HMGB1: variants seen among roughly 807,000 people sequenced by gnomAD.
HMGB1 encodes the protein high mobility group box 1, also known as high mobility group protein B1.
For synonymous variants in HMGB1, 81 were observed against 84.0 expected (o/e 0.96, Z 0.19); for missense variants, 79 against 253.5 (o/e 0.31, Z 4.67).
Position 30,459,978 on chromosome 13 carries a change from C to T in HMGB1, c.*1379G>A, listed in dbSNP as rs1212953635. The T allele has an allele frequency of 3.3e-5, 5 of 152,656 alleles. No homozygotes were observed. The highest frequency in any genetic ancestry group is 7.4e-5 in the Non-Finnish European group (5 of 67,984). 9.5% of individuals were successfully genotyped at this position (152,656 alleles called of 1,614,324 possible). On this transcript the variant is annotated 3_prime_UTR_variant, in exon 5 of 5. Coordinates refer to ENST00000341423, the MANE Select transcript of HMGB1 (RefSeq NM_002128.7). ...GTCTAAATTATATAACAAAACAGCA[C>T]TCCATCACAAAAGCGTGTAAAATTA...
chr13:30,599,072 A>T (rs1169537014), intron 1 of HMGB1, among the ~76,000 whole-genome samples: 1 of 152,124 alleles, frequency 6.6e-6, no homozygotes, highest in Admixed American at 6.5e-5. Context: ...CAGCCTCCCA[A>T]GTAGCAACCA....
chr13:30,554,440 T>A, intron 1 of HMGB1: 1 of 862,704 alleles, frequency 1.2e-6, no homozygotes, highest in Non-Finnish European at 2.0e-6. Flanking sequence ...ACTGAATGGG[T>A]CTTATTCAGA....
At chr13:30,461,626 A>T in intron 4 of HMGB1, 93 bp from the exon 5 acceptor site, 1 of 1,583,416 alleles carries the variant, frequency 6.3e-7, no homozygotes, top group Non-Finnish European at 8.6e-7. Context: ...AGAAATCAAG[A>T]TTCTAGTTAT....
At chr13:30,554,394 T>C (rs1294998762) in intron 1 of HMGB1, 6 of 829,356 alleles carry the variant, frequency 7.2e-6, no homozygotes, top group South Asian at 4.1e-5. Context: ...GGAGATTATA[T>C]TAACATTAAA....
At chr13:30,461,779 A>C in intron 4 of HMGB1, 1 of 840,528 alleles carries the variant, frequency 1.2e-6, no homozygotes, top group Non-Finnish European at 1.8e-6. Flanking sequence ...GTTATGCCTC[A>C]TTGAGGTGCA....
chr13:30,473,815 G>A (rs943593160), intron 1 of HMGB1, among the ~76,000 whole-genome samples: 3 of 152,162 alleles, frequency 2.0e-5, no homozygotes, highest in African/African-American at 7.2e-5. Context: ...CTTCATAGCA[G>A]CAGCATTTGT....
intron 1 of HMGB1, among the ~76,000 whole-genome samples, chr13:30,509,687 T>A (rs941656338): frequency 6.6e-6 from 1 of 152,194 alleles, no homozygotes; most frequent in African/African-American, 2.4e-5. Flanking sequence ...TTTACTAAAC[T>A]GATGGGCGAG....
rs1886065214 is a variant in HMGB1, at chr13:30,458,066, T to C, written c.*3291A>G. 1 of 152,184 alleles carries C rather than the reference T, an allele frequency of 6.6e-6. No individual in the cohort carries two copies. The highest frequency in any genetic ancestry group is 1.5e-5 in the Non-Finnish European group (1 of 68,040). 9.4% of individuals were successfully genotyped at this position (152,184 alleles called of 1,614,324 possible). ...AAGGCTCACATTTTAGCAAGTTAAT[T>C]CTAAGACTTAAGCTGTGTACGGTGT... On this transcript the variant is annotated 3_prime_UTR_variant, in exon 5 of 5. Coordinates refer to ENST00000341423, the MANE Select transcript of HMGB1 (RefSeq NM_002128.7).
chr13:30,463,914 C>T lies in HMGB1; in HGVS notation c.-14-220G>A, dbSNP rs575686866. ...AACAAAAACAGTCCTTCAGGGCGAT[C>T]TCAAAAAGTCTAGACACAAAGATAT... On this transcript the variant is annotated intron_variant, in intron 1 of 4. Coordinates refer to ENST00000341423, the MANE Select transcript of HMGB1 (RefSeq NM_002128.7). 544 of 462,892 alleles carry T rather than the reference C, an allele frequency of 1.2e-3. 1 individual carries two copies. Among genetic ancestry groups the T allele is most frequent in the Non-Finnish European group, 1.2e-3 (321 of 277,076 alleles). 28.7% of individuals were successfully genotyped at this position (462,892 alleles called of 1,614,324 possible). A position where few individuals can be genotyped will look rare whatever the true frequency, so the allele number is the denominator to read the frequency against.
chr13:30,503,278 A>C (rs1887777569), intron 1 of HMGB1, among the ~76,000 whole-genome samples: 1 of 151,928 alleles, frequency 6.6e-6, no homozygotes, highest in African/African-American at 2.4e-5. Context: ...CGGGAGGTGG[A>C]GCTTGCAGTG....
chr13:30,586,691 T>G lies in HMGB1; in HGVS notation c.-15+29980A>C, dbSNP rs149835967. Among the ~76,000 whole-genome samples, 765 of 151,948 alleles carry G rather than the reference T, an allele frequency of 5.0e-3. 6 individuals carry two copies. The highest frequency in any genetic ancestry group is 0.016 in the African/African-American group (679 of 41,478). The stretch of plus-strand genomic sequence containing the variant: ...AGTAGAGATGGGGTTTCACCATGTG[T>G]CCAGGCTGGTCTTAAACTCCTGACC... On this transcript the variant is annotated intron_variant, in intron 1 of 4. Transcript: ENST00000405805.
intron 1 of HMGB1, among the ~76,000 whole-genome samples, chr13:30,599,074 T>A (rs1871744723): frequency 6.6e-6 from 1 of 152,096 alleles, no homozygotes; most frequent in Admixed American, 6.6e-5. Flanking sequence ...GCCTCCCAAG[T>A]AGCAACCAAC....
intron 1 of HMGB1, among the ~76,000 whole-genome samples, chr13:30,513,376 T>C (rs1249497149): frequency 6.6e-6 from 1 of 152,186 alleles, no homozygotes; most frequent in African/African-American, 2.4e-5. Flanking sequence ...AGTCACCCCA[T>C]GTGAATGCTC....
intron 1 of HMGB1, among the ~76,000 whole-genome samples, chr13:30,548,382 G>C (rs1869267324): frequency 6.6e-6 from 1 of 152,174 alleles, no homozygotes; most frequent in African/African-American, 2.4e-5. Context: ...GCTGAACTGT[G>C]AGTCAATTAA....
intron 1 of HMGB1, chr13:30,554,374 G>C (rs1251025055): frequency 2.4e-6 from 2 of 843,678 alleles, no homozygotes; most frequent in African/African-American, 3.3e-5. Flanking sequence ...GTCTTGTTTT[G>C]ATGGGAAAAG....
rs142980526 is a variant in HMGB1, at chr13:30,585,276, C to T, written c.-15+31395G>A. Among the ~76,000 whole-genome samples, 376 of 152,038 alleles carry T rather than the reference C, an allele frequency of 2.5e-3. 2 individuals carry two copies. The highest frequency in any genetic ancestry group is 8.3e-3 in the African/African-American group (342 of 41,450). On this transcript the variant is annotated intron_variant, in intron 1 of 4. Coordinates refer to the HMGB1 transcript ENST00000405805. The stretch of plus-strand genomic sequence containing the variant: ...TGCAGTGAGCCCTGGGTAGCCCGCG[C>T]CACTGCACTCCAGCCCTGAGTGACA...
At chr13:30,596,976 A>C (rs1307945246) in intron 1 of HMGB1, among the ~76,000 whole-genome samples, 1 of 152,336 alleles carries the variant, frequency 6.6e-6, no homozygotes, top group East Asian at 1.9e-4. Flanking sequence ...CCTACATTTG[A>C]ATACTGGTTC....
At chr13:30,576,266 C>T (rs1870650529) in intron 1 of HMGB1, among the ~76,000 whole-genome samples, 1 of 152,034 alleles carries the variant, frequency 6.6e-6, no homozygotes, top group African/African-American at 2.4e-5. Context: ...GCTTGGGAGA[C>T]CTAAATTCTA....
At chr13:30,465,257 C>G in intron 1 of HMGB1, 1 of 172,628 alleles carries the variant, frequency 5.8e-6, no homozygotes, top group Non-Finnish European at 1.1e-5. Flanking sequence ...CCCAGGCCCC[C>G]GCGCCGCCCT....
Sources: allele counts gnomAD v4.1 joint callset (sites outside exome capture counted in the v4.1 genomes callset), GRCh38; gene constraint gnomAD v4.1.1; transcripts MANE v1.5; gene names NCBI Gene and HGNC (gene_info 2026-07-23, HGNC 2026-07-21).